The following FGF12 variants were observed in gnomAD, a reference collection of about 807,000 sequenced individuals.
The protein encoded by FGF12 is fibroblast growth factor 12B.
A neutral mutation model predicts 23.6 loss-of-function variants in FGF12; 14 were observed. The ratio of observed to expected loss-of-function variants is 0.59; its 90% CI spans 0.39 to 0.93. The LOEUF (loss-of-function observed/expected upper bound fraction) is 0.93, where lower values mean the gene tolerates loss of function less well. Ranked by LOEUF, FGF12 falls within the 40% of genes least tolerant of loss-of-function variation. FGF12 has a pLI of 0.00. For synonymous variants in FGF12, 62 were observed against 77.3 expected, an observed-to-expected ratio of 0.80 and a Z score of 1.04; for missense variants, 175 against 217.8, an observed-to-expected ratio of 0.80 and a Z score of 1.24.
chr3:192,499,273 C>T (rs1475871589), intron 2 of FGF12, among the ~76,000 whole-genome samples: 4 of 151,514 alleles, frequency 2.6e-5, no homozygotes, highest in Non-Finnish European at 5.9e-5. Context: ...AGAAACTTGC[C>T]GAAGGTCATG....
chr3:192,224,114 C>A (rs1480578182), intron 4 of FGF12, among the ~76,000 whole-genome samples: 7 of 152,192 alleles, frequency 4.6e-5, no homozygotes, highest in Admixed American at 2.0e-4. Context: ...GCAGTGTTTT[C>A]TGAAATCCAA....
chr3:192,324,444 T>TA (rs1347498163), intron 4 of FGF12, among the ~76,000 whole-genome samples: 1 of 152,228 alleles, frequency 6.6e-6, no homozygotes, highest in African/African-American at 2.4e-5. Context: ...CTGCTACTGT[T>TA]ACTGCTTATG....
intron 4 of FGF12, among the ~76,000 whole-genome samples, chr3:192,239,861 G>A (rs1348465888): frequency 6.6e-6 from 1 of 152,214 alleles, no homozygotes; most frequent in Non-Finnish European, 1.5e-5. Flanking sequence ...CCTGCTAATG[G>A]GGTAACCCAA....
chr3:192,186,112 T>C (rs1004957470), intron 4 of FGF12, among the ~76,000 whole-genome samples: 2 of 152,226 alleles, frequency 1.3e-5, no homozygotes, highest in African/African-American at 4.8e-5. Context: ...AGATACTATT[T>C]TTTTTTCTTG....
rs143387341 is a variant in FGF12, at chr3:192,343,706, T to C, written c.125-8242A>G. Reference sequence around the variant, plus strand: ...CCAGGCAAATTAATTATTCATTCCCTTACCCTAATTCCACAGCATTCCATA... The same window carrying C: ...CCAGGCAAATTAATTATTCATTCCCCTACCCTAATTCCACAGCATTCCATA... On this transcript the variant is annotated intron_variant, in intron 3 of 5. Coordinates refer to ENST00000445105, the MANE Select transcript of FGF12 (RefSeq NM_004113.6). Among the ~76,000 whole-genome samples the C allele has an allele frequency of 3.6e-3, 542 of 152,278 alleles. 8 individuals carry two copies. The highest frequency in any genetic ancestry group is 0.012 in the African/African-American group (514 of 41,582).
rs190334490 is a variant in FGF12, at chr3:192,224,222, C to T, written c.229-53566G>A. ...AGCTCAGCAAAACGGTGCTGGAGAACGCTTTCTGTATTATGATGATAGTGG... is the reference window on the plus strand; with the variant it reads ...AGCTCAGCAAAACGGTGCTGGAGAATGCTTTCTGTATTATGATGATAGTGG... On this transcript the variant is annotated intron_variant, in intron 4 of 5. Coordinates refer to ENST00000445105, the MANE Select transcript of FGF12 (RefSeq NM_004113.6). Among the ~76,000 whole-genome samples, 79 of 152,144 alleles carry T rather than the reference C, an allele frequency of 5.2e-4. 1 individual carries two copies. Among genetic ancestry groups the T allele is most frequent in the East Asian group, 1.4e-3 (7 of 5,170 alleles).
chr3:192,385,394 C>A (rs142494216), intron 2 of FGF12, among the ~76,000 whole-genome samples: 1 of 152,044 alleles, frequency 6.6e-6, no homozygotes, highest in East Asian at 1.9e-4. Context: ...CAAATGGAGA[C>A]TCCCATATCA....
chr3:192,224,941 A>G (rs1186210656), intron 4 of FGF12, among the ~76,000 whole-genome samples: 2 of 152,094 alleles, frequency 1.3e-5, no homozygotes, highest in African/African-American at 4.8e-5. Context: ...TCCTGATACC[A>G]TACCCGGAAT....
intron 2 of FGF12, among the ~76,000 whole-genome samples, chr3:192,406,352 T>C (rs888496993): frequency 5.3e-5 from 8 of 151,964 alleles, no homozygotes; most frequent in East Asian, 1.9e-4. Flanking sequence ...AAAAACGTCA[T>C]ATAATTTTCC....
At chr3:192,378,309 C>G (rs1478865087) in intron 2 of FGF12, among the ~76,000 whole-genome samples, 1 of 149,508 alleles carries the variant, frequency 6.7e-6, no homozygotes, top group South Asian at 2.1e-4. Context: ...AGGGTTTTTG[C>G]CATGTTGCCC....
Position 192,507,703 on chromosome 3 carries a change from G to A in FGF12, c.14-147165C>T, listed in dbSNP as rs556108124. On this transcript the variant is annotated intron_variant, in intron 2 of 5. Coordinates refer to ENST00000445105, the MANE Select transcript of FGF12 (RefSeq NM_004113.6). ...GCTTGTGAACAGAAGACTGTCACCA[G>A]GCTGAAAGGGCTATTACTGCCCAGA... 3.9e-5 allele frequency among the ~76,000 whole-genome samples: 6 copies of A among 152,240 alleles called. No homozygotes were observed. The East Asian group carries it at 9.6e-4, about 24-fold the overall frequency.
intron 4 of FGF12, among the ~76,000 whole-genome samples, chr3:192,314,372 T>C (rs559477604): frequency 3.3e-5 from 5 of 152,172 alleles, no homozygotes; most frequent in Non-Finnish European, 5.9e-5. Context: ...CGTGATGTAG[T>C]TTTATCCAAG....
chr3:192,663,265 T>C (rs1418760633), intron 2 of FGF12, among the ~76,000 whole-genome samples: 1 of 152,234 alleles, frequency 6.6e-6, no homozygotes, highest in East Asian at 1.9e-4. Context: ...CTGATGATAA[T>C]TGTAGTCTAG....
At chr3:192,476,284 C>T (rs1577006239) in intron 2 of FGF12, among the ~76,000 whole-genome samples, 1 of 151,864 alleles carries the variant, frequency 6.6e-6, no homozygotes, top group Admixed American at 6.6e-5. Context: ...TAGTTCTTAC[C>T]TATGAGGAAA....
chr3:192,612,851 C>G (rs1714599298), intron 2 of FGF12, among the ~76,000 whole-genome samples: 1 of 151,858 alleles, frequency 6.6e-6, no homozygotes, highest in African/African-American at 2.4e-5. Flanking sequence ...CCCCCTGTTC[C>G]AAGAAACATG....
At chr3:192,459,220 A>G (rs1231618714) in intron 2 of FGF12, among the ~76,000 whole-genome samples, 1 of 152,208 alleles carries the variant, frequency 6.6e-6, no homozygotes, top group Admixed American at 6.5e-5. Context: ...AGCAATTCAG[A>G]ATTAAATTAT....
At chr3:192,349,738 T>C (rs1004990454) in intron 3 of FGF12, among the ~76,000 whole-genome samples, 2 of 152,144 alleles carry the variant, frequency 1.3e-5, no homozygotes, top group Non-Finnish European at 2.9e-5. Flanking sequence ...ATTTCCTTAC[T>C]CATCCCTTGA....
intron 4 of FGF12, among the ~76,000 whole-genome samples, chr3:192,286,447 C>T (rs1021168431): frequency 6.6e-6 from 1 of 151,882 alleles, no homozygotes; most frequent in African/African-American, 2.4e-5. Flanking sequence ...AAATCTGTAC[C>T]CTCTTTTTCA....
At position 192,336,106 on chromosome 3, in the gene FGF12, A is replaced by AACACAC. The variant is rs1717397574; in HGVS notation, c.125-643_125-642insGTGTGT. ...GGATATATTTTATATCCAGGTGGGA[A>AACACAC]ATACACACACACACACACACACACA... On this transcript the variant is annotated intron_variant, in intron 3 of 5. Transcript: ENST00000445105. This position sits in a 1 kb window ranked among gnomAD's most constrained non-coding sequence, Gnocchi z 4.3. Among the ~76,000 whole-genome samples, 1 of 118,114 alleles carries AACACAC rather than the reference A, an allele frequency of 8.5e-6. No homozygotes were observed. Among genetic ancestry groups the AACACAC allele is most frequent in the Non-Finnish European group, 1.8e-5 (1 of 55,358 alleles). The allele number at this position is 118,114 out of a possible 152,430, so 77.5% of individuals were successfully genotyped here. A position where few individuals can be genotyped will look rare whatever the true frequency, so the allele number is the denominator to read the frequency against.
Sources: allele counts gnomAD v4.1 joint callset (sites outside exome capture counted in the v4.1 genomes callset), GRCh38; gene constraint gnomAD v4.1.1; non-coding constraint Gnocchi (gnomAD v3.1); transcripts MANE v1.5; gene names NCBI Gene and HGNC (gene_info 2026-07-23, HGNC 2026-07-21).